Variants in ATG14 observed in about 807,000 individuals in gnomAD.
ATG14 encodes beclin 1-associated autophagy-related key regulator.
In ATG14, 35 loss-of-function variants were observed where a neutral mutation model predicts 60.4. The ratio of observed to expected loss-of-function variants is 0.58; its 90% CI spans 0.44 to 0.77. The LOEUF is 0.77. ATG14 is among the 30% of genes least tolerant of loss of function. The probability of loss-of-function intolerance (pLI) is 0.00; values close to 1 mark genes in which losing one functional copy is unlikely to be tolerated. For synonymous variants in ATG14, 234 were observed against 228.8 expected, an observed-to-expected ratio of 1.02 and a Z score of -0.21; for missense variants, 647 against 626.3, an observed-to-expected ratio of 1.03 and a Z score of -0.35.
chr14:55,369,727 C>T lies in ATG14; in HGVS notation c.1371G>A (p.Gln457=), dbSNP rs753867553. Residue 457 remains glutamine, a synonymous_variant, in exon 10 of 10, where the codon CAG becomes CAA. Coordinates refer to ENST00000247178, the MANE Select transcript of ATG14 (RefSeq NM_014924.5). ...PSQSVEVSQS[Q]STQASPPIAS... ...CGATGGGTGGGGACGCCTGGGTGCT[C>T]TGACTCTGGGAGACTTCCACAGACT... 2.5e-6 allele frequency: 4 copies of T among 1,613,084 alleles called. No individual in the cohort carries two copies. In the South Asian group the frequency reaches 4.4e-5, roughly 18 times the overall value.
Position 55,381,137 on chromosome 14 carries a change from G to A in ATG14, c.878-447C>T, listed in dbSNP as rs917551655. ...GCACCCACTCAATGTACAGCATCTC[G>A]ATCATTTACTTGCTTCCTACCTTTC... On this transcript the variant is annotated intron_variant, in intron 6 of 9. Coordinates refer to ENST00000247178, the MANE Select transcript of ATG14 (RefSeq NM_014924.5). Among the ~76,000 whole-genome samples, 8 of 151,972 alleles carry A rather than the reference G, an allele frequency of 5.3e-5. No homozygotes were observed. In the East Asian group the frequency reaches 5.8e-4, roughly 11 times the overall value.
chr14:55,372,217 C>T (rs373339230), intron 9 of ATG14, among the ~76,000 whole-genome samples: 18 of 152,116 alleles, frequency 1.2e-4, no homozygotes, highest in African/African-American at 4.3e-4. Context: ...CCAGGGCTAC[C>T]TGTTATCATT....
At chr14:55,388,824 C>A (rs994458926) in intron 4 of ATG14, among the ~76,000 whole-genome samples, 1 of 152,164 alleles carries the variant, frequency 6.6e-6, no homozygotes, top group Non-Finnish European at 1.5e-5. Flanking sequence ...CCAACCCTGG[C>A]AAGTCATCAG....
intron 4 of ATG14, among the ~76,000 whole-genome samples, chr14:55,387,251 C>T (rs896228859): frequency 3.3e-5 from 5 of 152,194 alleles, no homozygotes; most frequent in African/African-American, 1.2e-4. Flanking sequence ...CACAGTTCCC[C>T]TCTGCACACC....
Position 55,385,998 on chromosome 14 carries a change from G to A in ATG14, c.508C>T (p.Arg170Cys), listed in dbSNP as rs371069178. The A allele has an allele frequency of 9.2e-5, 148 of 1,614,016 alleles. No individual in the cohort carries two copies. The highest frequency in any genetic ancestry group is 1.1e-4 in the Non-Finnish European group (135 of 1,180,030). Residue 170 changes from arginine to cysteine, a missense_variant, in exon 5 of 10, where the codon CGC (arginine) becomes TGC (cysteine). Transcript: ENST00000247178. ...TTTTCTACCAGGTCACCAAGTTTGC[G>A]ATTATGCCTCTGAATCTTCTCCTTT... ...EKKEKIQRHNRKLGDLVEKKT... is the reference protein window; with the variant it reads ...EKKEKIQRHNCKLGDLVEKKT...
At chr14:55,395,170 C>T in intron 3 of ATG14, 1 of 455,426 alleles carries the variant, frequency 2.2e-6, no homozygotes, top group South Asian at 1.6e-5. Context: ...GATAAGCGTG[C>T]CGATCTCCTC....
chr14:55,386,481 A>G (rs1189351184), intron 4 of ATG14, among the ~76,000 whole-genome samples: 2 of 152,214 alleles, frequency 1.3e-5, no homozygotes, highest in Non-Finnish European at 2.9e-5. Flanking sequence ...TGATTTCCCT[A>G]GAAACTTCTT....
At chr14:55,382,266 G>T in intron 5 of ATG14, 75 bp from the exon 6 acceptor site, 2 of 1,342,976 alleles carry the variant, frequency 1.5e-6, no homozygotes, top group Admixed American at 1.9e-5. Context: ...TGCAAGACAT[G>T]CTAGAACATC....
chr14:55,379,716 A>AT (rs1367684104), intron 7 of ATG14, among the ~76,000 whole-genome samples: 1 of 152,050 alleles, frequency 6.6e-6, no homozygotes, highest in Non-Finnish European at 1.5e-5. Context: ...ATATCTTTAA[A>AT]TTTTCTGAAT....
chr14:55,399,688 AG>A (rs1164151949), intron 1 of ATG14, among the ~76,000 whole-genome samples: 4 of 152,262 alleles, frequency 2.6e-5, no homozygotes, highest in Non-Finnish European at 1.5e-5. Flanking sequence ...GTGAGACAAC[AG>A]GGTGATTTAT....
intron 2 of ATG14, among the ~76,000 whole-genome samples, chr14:55,396,478 AATTGCTC>A (rs1885315261): frequency 1.3e-5 from 2 of 152,252 alleles, no homozygotes; most frequent in South Asian, 4.1e-4. Flanking sequence ...GGTAGATTTA[AATTGCTC>A]ATGAATGTGT....
At position 55,366,395 on chromosome 14, in the gene ATG14, G is replaced by C. The variant is rs1317271750; in HGVS notation, c.*3224C>G. On this transcript the variant is annotated 3_prime_UTR_variant, in exon 10 of 10. Coordinates refer to ENST00000247178, the MANE Select transcript of ATG14 (RefSeq NM_014924.5). ...AAGACATACACATGAGCAAAGTACT[G>C]TTAAAAGATTTATTGCAGTAATACA... is the stretch of plus-strand genomic sequence containing the variant. 1 of 152,560 alleles carries C rather than the reference G, an allele frequency of 6.6e-6. No individual in the cohort carries two copies. 9.5% of individuals were successfully genotyped at this position (152,560 alleles called of 1,614,324 possible).
At chr14:55,384,500 C>G (rs150312533) in intron 5 of ATG14, among the ~76,000 whole-genome samples, 1 of 152,344 alleles carries the variant, frequency 6.6e-6, no homozygotes, top group East Asian at 1.9e-4. Context: ...ACACATTGCA[C>G]TCAGCTGTCA....
At chr14:55,409,912 G>A (rs1354527610) in intron 1 of ATG14, among the ~76,000 whole-genome samples, 1 of 152,218 alleles carries the variant, frequency 6.6e-6, no homozygotes, top group African/African-American at 2.4e-5. Context: ...GAGGAAATAA[G>A]TTTATGTCTC....
chr14:55,369,965 A>G, intron 9 of ATG14, 40 bp from the exon 10 acceptor site: 1 of 1,528,544 alleles, frequency 6.5e-7, no homozygotes, highest in South Asian at 1.3e-5. Flanking sequence ...GATAACAACC[A>G]TTCTCAACAC....
chr14:55,380,439 C>T (rs553754129), intron 7 of ATG14, 134 bp downstream of exon 7: 138 of 620,224 alleles, frequency 2.2e-4, no homozygotes, highest in South Asian at 2.1e-3. Flanking sequence ...AAATTAATCT[C>T]AATATTTCAA....
chr14:55,407,287 C>T (rs1050635000), intron 1 of ATG14, among the ~76,000 whole-genome samples: 20 of 152,184 alleles, frequency 1.3e-4, no homozygotes, highest in Admixed American at 5.9e-4. Flanking sequence ...CGTGCCACCA[C>T]GCCCAGCTAA....
At chr14:55,410,478 A>T (rs900257153) in intron 1 of ATG14, among the ~76,000 whole-genome samples, 55 of 152,362 alleles carry the variant, frequency 3.6e-4, no homozygotes, top group Non-Finnish European at 6.9e-4. Context: ...TTCTAAAGTC[A>T]TCAAGAGCAC....
intron 3 of ATG14, among the ~76,000 whole-genome samples, chr14:55,394,287 G>A (rs2140142957): frequency 6.6e-6 from 1 of 152,284 alleles, no homozygotes; most frequent in Non-Finnish European, 1.5e-5. Flanking sequence ...TTATAGGCAT[G>A]AGCCAACGTG....
Sources: gnomAD v4.1 joint callset for allele counts (sites outside exome capture counted in the v4.1 genomes callset) on GRCh38, gnomAD v4.1.1 for gene constraint, MANE v1.5 for transcripts, NCBI Gene and HGNC (gene_info 2026-07-23, HGNC 2026-07-21) for gene names.